CDC73: variants seen among roughly 807,000 people sequenced by gnomAD.
CDC73 encodes parafibromin.
In CDC73, 21 loss-of-function variants were observed where a neutral mutation model predicts 83.7. That is an observed-to-expected ratio of 0.25 (90% CI 0.18 to 0.36). CDC73 has a LOEUF of 0.36. CDC73 is among the 10% of genes least tolerant of loss of function. CDC73 has a pLI of 1.00. For synonymous variants in CDC73, 224 were observed against 212.9 expected (o/e 1.05, Z -0.45); for missense variants, 342 against 653.3 (o/e 0.52, Z 5.19).
At chr1:193,188,990 A>G (rs60186515) in intron 10 of CDC73, among the ~76,000 whole-genome samples, 6,157 of 139,158 alleles carry the variant, frequency 0.044, 410 homozygotes, top group African/African-American at 0.15. Context: ...GTTTTGCTCT[A>G]TTGCCCAGGC....
At chr1:193,131,932 ATC>A (rs1675702058) in intron 3 of CDC73, among the ~76,000 whole-genome samples, 1 of 152,202 alleles carries the variant, frequency 6.6e-6, no homozygotes, top group Admixed American at 6.5e-5. Flanking sequence ...GAAATTATAT[ATC>A]TGTTTATGTA....
chr1:193,160,169 A>G (rs1312396659), intron 10 of CDC73, among the ~76,000 whole-genome samples: 1 of 152,152 alleles, frequency 6.6e-6, no homozygotes, highest in African/African-American at 2.4e-5. Context: ...GTTTTAGTTA[A>G]TATCTGTAAC....
intron 10 of CDC73, among the ~76,000 whole-genome samples, chr1:193,174,946 G>A (rs1237962112): frequency 6.6e-6 from 1 of 152,146 alleles, no homozygotes; most frequent in Non-Finnish European, 1.5e-5. Flanking sequence ...GTTTCATTGA[G>A]TCAAGTTGTA....
chr1:193,199,934 A>G (rs1458705855), intron 10 of CDC73, among the ~76,000 whole-genome samples: 1 of 151,896 alleles, frequency 6.6e-6, no homozygotes, highest in African/African-American at 2.4e-5. Flanking sequence ...TATATGTTCT[A>G]TATATGTTTT....
intron 14 of CDC73, among the ~76,000 whole-genome samples, chr1:193,234,219 A>G (rs1381599148): frequency 4.9e-5 from 2 of 40,414 alleles, no homozygotes; most frequent in Non-Finnish European, 1.1e-4. Context: ...ACACACACAC[A>G]CATATATATA....
intron 10 of CDC73, among the ~76,000 whole-genome samples, chr1:193,159,803 T>G (rs1224976662): frequency 1.3e-5 from 2 of 152,230 alleles, no homozygotes; most frequent in African/African-American, 2.4e-5. Context: ...TGGCTAGTAT[T>G]TAGACTGAAC....
At chr1:193,247,830 C>A (rs2102071589) in intron 15 of CDC73, among the ~76,000 whole-genome samples, 1 of 152,186 alleles carries the variant, frequency 6.6e-6, no homozygotes, top group East Asian at 1.9e-4. Context: ...GGAGAGAATT[C>A]TGCAGAAGAA....
intron 10 of CDC73, among the ~76,000 whole-genome samples, chr1:193,159,851 C>G (rs941462967): frequency 6.6e-6 from 1 of 152,062 alleles, no homozygotes; most frequent in South Asian, 2.1e-4. Flanking sequence ...CATTTCATGC[C>G]TTCCTTGTAG....
chr1:193,173,977 A>T (rs923874316), intron 10 of CDC73, among the ~76,000 whole-genome samples: 2 of 152,076 alleles, frequency 1.3e-5, no homozygotes, highest in African/African-American at 4.8e-5. Context: ...AACCATTTAT[A>T]ATAATAATAC....
chr1:193,138,821 C>G (rs923034969), intron 6 of CDC73, among the ~76,000 whole-genome samples: 1 of 140,622 alleles, frequency 7.1e-6, no homozygotes, highest in African/African-American at 2.7e-5. Context: ...TTCACCCAGG[C>G]TAGAGTGCAG....
intron 10 of CDC73, among the ~76,000 whole-genome samples, chr1:193,166,834 C>T (rs143131184): frequency 0.011 from 1,740 of 151,890 alleles, 9 homozygotes; most frequent in Non-Finnish European, 0.019. Context: ...TTAGCAGAGA[C>T]GGGGTTTCTC....
intron 10 of CDC73, among the ~76,000 whole-genome samples, chr1:193,173,202 A>G (rs1676548454): frequency 1.3e-5 from 2 of 152,178 alleles, no homozygotes; most frequent in African/African-American, 4.8e-5. Context: ...GCAGCTGTTA[A>G]AAGGGTATGC....
At chr1:193,243,197 C>T (rs1677892732) in intron 15 of CDC73, among the ~76,000 whole-genome samples, 1 of 152,160 alleles carries the variant, frequency 6.6e-6, no homozygotes, top group African/African-American at 2.4e-5. Flanking sequence ...TCCTTGGCCT[C>T]CCAAAGTGCT....
rs753886735 is a variant in CDC73, at chr1:193,132,509, C to T, written c.307+2266C>T. Reference sequence around the variant, plus strand: ...TTTTTTTCTTTCAGAGATGGGGTCTCGCTACATTGTTCAGGCTGGTCTTGA... The same window carrying T: ...TTTTTTTCTTTCAGAGATGGGGTCTTGCTACATTGTTCAGGCTGGTCTTGA... On this transcript the variant is annotated intron_variant, in intron 3 of 16. Transcript: ENST00000367435. Among the ~76,000 whole-genome samples the T allele has an allele frequency of 2.2e-4, 33 of 151,806 alleles. 1 individual carries two copies. Among genetic ancestry groups the T allele is most frequent in the Admixed American group, 3.9e-4 (6 of 15,238 alleles).
chr1:193,147,263 A>T (rs1055100602), intron 7 of CDC73, among the ~76,000 whole-genome samples: 2 of 151,856 alleles, frequency 1.3e-5, no homozygotes, highest in Admixed American at 1.3e-4. Context: ...AAGTGCTGGG[A>T]TTACAGTCAC....
chr1:193,131,064 G>A (rs2103118564), intron 3 of CDC73, among the ~76,000 whole-genome samples: 1 of 152,062 alleles, frequency 6.6e-6, no homozygotes, highest in South Asian at 2.1e-4. Flanking sequence ...ATATGCTGAT[G>A]AAATTTCAAG....
intron 2 of CDC73, among the ~76,000 whole-genome samples, chr1:193,129,369 G>A (rs1171806159): frequency 6.7e-6 from 1 of 149,286 alleles, no homozygotes; most frequent in Admixed American, 6.7e-5. Context: ...TGACCTCAAG[G>A]GATGCGCCCG....
rs1676487052 is a variant in CDC73 at position 193,169,563 on chromosome 1, A to ATTTTT, written c.972+17119_972+17120insTTTTT. Reference sequence around the variant, plus strand: ...CTGTCTCAAAAAAAAATAAAAAATAAATTTGTAAGAATGGAGGCAGTTGCA... The same window carrying ATTTTT: ...CTGTCTCAAAAAAAAATAAAAAATAATTTTTATTTGTAAGAATGGAGGCAGTTGCA... On this transcript the variant is annotated intron_variant, in intron 10 of 16. Coordinates refer to ENST00000367435, the MANE Select transcript of CDC73 (RefSeq NM_024529.5). Among the ~76,000 whole-genome samples, 9 of 152,246 alleles carry ATTTTT rather than the reference A, an allele frequency of 5.9e-5. No individual in the cohort carries two copies. The South Asian group carries it at 1.9e-3, about 32-fold the overall frequency.
At position 193,253,300 on chromosome 1, in the gene CDC73, G is replaced by T. The variant is rs953342411; in HGVS notation, c.*2588G>T. ...TTAAAGTTCTCCAGGTAATTTGAAT[G>T]TGCAGGAAGGATTCAGAATCACTGG... On this transcript the variant is annotated 3_prime_UTR_variant, in exon 17 of 17. Coordinates refer to ENST00000367435, the MANE Select transcript of CDC73 (RefSeq NM_024529.5). The T allele has an allele frequency of 2.6e-5, 6 of 232,322 alleles. No individual in the cohort carries two copies. The Admixed American group carries it at 3.4e-4, about 13-fold the overall frequency. 14.4% of individuals were successfully genotyped at this position (232,322 alleles called of 1,614,324 possible).
Sources: gnomAD v4.1 joint callset for allele counts (sites outside exome capture counted in the v4.1 genomes callset) on GRCh38, gnomAD v4.1.1 for gene constraint, MANE v1.5 for transcripts, NCBI Gene and HGNC (gene_info 2026-07-23, HGNC 2026-07-21) for gene names.